FCN2: variants seen among roughly 807,000 people sequenced by gnomAD.
FCN2 encodes ficolin 2.
FCN2 carries 31 observed loss-of-function variants against 32.5 expected under a neutral mutation model. That is an observed-to-expected ratio of 0.96 (90% CI 0.72 to 1.29). The LOEUF is 1.29. FCN2 is among the 50% of genes most tolerant of loss of function. The pLI is 0.00. For missense variants in FCN2, 412 were observed against 406.5 expected (o/e 1.01, Z -0.12); for synonymous variants, 181 against 164.5 (o/e 1.10, Z -0.77).
At chr9:134,886,059 C>T (rs560357329) in intron 6 of FCN2, among the ~76,000 whole-genome samples, 162 bp downstream of exon 6, 1 of 152,308 alleles carries the variant, frequency 6.6e-6, no homozygotes, top group South Asian at 2.1e-4. Context: ...TTCGTCCCTG[C>T]TGCAGGCTCT....
chr9:134,868,417 C>A, the FCN2 span: 2 of 200,422 alleles, frequency 1.0e-5, no homozygotes, highest in South Asian at 2.1e-4. The surrounding 1 kb of genome is among the most constrained non-coding windows in gnomAD (Gnocchi z 4.3). Context: ...AACTGGAAGT[C>A]GGGGAAAGGG....
At chr9:134,872,714 A>G in the FCN2 span, among the ~76,000 whole-genome samples, 3 of 152,116 alleles carry the variant, frequency 2.0e-5, no homozygotes. Context: ...GAACAGCACG[A>G]GAAGACCCGC....
Position 134,886,368 on chromosome 9 carries a change from C to A in FCN2, c.560-62C>A, listed in dbSNP as rs554049255. The A allele has an allele frequency of 1.9e-6, 3 of 1,603,032 alleles. No individual in the cohort carries two copies. In the East Asian group the frequency reaches 6.7e-5, roughly 36 times the overall value. ...CCTTCCAGGCCCTGCCCCAGATCCC[C>A]AGCTCCCATGTCTAAAGGTAGAGAG... On this transcript the variant is annotated intron_variant, in intron 6 of 7. Transcript: ENST00000291744.
At position 134,887,226 on chromosome 9, in the gene FCN2, T is replaced by C; in HGVS notation, c.753T>C (p.Asp251=). 2 of 1,614,168 alleles carry C rather than the reference T, an allele frequency of 1.2e-6. No individual in the cohort carries two copies. Among genetic ancestry groups the C allele is most frequent in the Non-Finnish European group, 1.7e-6 (2 of 1,180,030 alleles). Residue 251 remains aspartate, a synonymous_variant, in exon 8 of 8, where the codon GAT becomes GAC. Transcript: ENST00000291744. ...QSFSTKDQDN[D]LNTGNCAVMF... ...TCTCCACCAAAGACCAGGACAATGA[T>C]CTTAACACCGGAAATTGTGCTGTGA...
the FCN2 span, among the ~76,000 whole-genome samples, chr9:134,869,529 C>G: frequency 6.6e-6 from 1 of 152,180 alleles, no homozygotes; most frequent in Non-Finnish European, 1.5e-5. Flanking sequence ...CTCAGACCCC[C>G]GCAGGCTCCC....
intron 2 of FCN2, among the ~76,000 whole-genome samples, chr9:134,882,860 T>A (rs1830685153): frequency 6.6e-6 from 1 of 152,178 alleles, no homozygotes; most frequent in African/African-American, 2.4e-5. Flanking sequence ...CTTCTGTAGC[T>A]CTGTCTCCTA....
At chr9:134,877,244 A>C (rs1245721693), upstream of FCN2, among the ~76,000 whole-genome samples, 3 of 152,080 alleles carry the variant, frequency 2.0e-5, no homozygotes, top group Non-Finnish European at 4.4e-5. Context: ...TTGACCTGAG[A>C]CCTTTCTTCC....
chr9:134,871,838 AG>A, the FCN2 span, among the ~76,000 whole-genome samples: 1 of 152,176 alleles, frequency 6.6e-6, no homozygotes, highest in African/African-American at 2.4e-5. Context: ...GCACAACTTG[AG>A]TAGTTTGACA....
chr9:134,885,747 T>C, intron 5 of FCN2, 21 bp from the exon 6 acceptor site: 3 of 1,613,950 alleles, frequency 1.9e-6, no homozygotes, highest in Non-Finnish European at 2.5e-6. Flanking sequence ...CCCCGGCTCC[T>C]GTCCCCTGGC....
intron 6 of FCN2, among the ~76,000 whole-genome samples, 164 bp downstream of exon 6, chr9:134,886,061 G>T (rs950045417): frequency 1.2e-4 from 19 of 152,182 alleles, no homozygotes; most frequent in African/African-American, 4.3e-4. Flanking sequence ...CGTCCCTGCT[G>T]CAGGCTCTGG....
chr9:134,885,619 G>A, intron 5 of FCN2, 149 bp from the exon 6 acceptor site: 1 of 1,155,626 alleles, frequency 8.7e-7, no homozygotes, highest in Admixed American at 2.1e-5. Flanking sequence ...TCATCCTGTG[G>A]AGTCTGTGAG....
intron 5 of FCN2, 36 bp from the exon 6 acceptor site, chr9:134,885,732 G>C (rs1014429791): frequency 6.2e-7 from 1 of 1,613,670 alleles, no homozygotes; most frequent in East Asian, 2.2e-5. Flanking sequence ...ACGTCGGCCT[G>C]GCCCCCCCGG....
intron 3 of FCN2, among the ~76,000 whole-genome samples, chr9:134,883,837 T>C (rs1444104849): frequency 2.6e-5 from 1 of 39,104 alleles, no homozygotes; most frequent in Admixed American, 4.0e-4. Flanking sequence ...ACTTTTAGTG[T>C]GGGGAGGGGT....
chr9:134,886,533 G>C lies in FCN2; in HGVS notation c.663G>C (p.Leu221=), dbSNP rs1293488533. ...KVADEAEKYN[L]VLGAFVEGSA... is the part of the protein sequence containing the mutation. ...CCGACGAGGCGGAGAAGTACAATCT[G>C]GTCCTGGGGGCCTTCGTGGAGGGCA... The change falls in exon 7 of 8, where the codon CTG becomes CTC. Residue 221 remains leucine (L), a synonymous_variant. Transcript: ENST00000291744. 1 of 1,614,130 alleles carries C rather than the reference G, an allele frequency of 6.2e-7. No homozygotes were observed. The highest frequency in any genetic ancestry group is 1.1e-5 in the South Asian group (1 of 91,070).
At chr9:134,870,332 G>C in the FCN2 span, among the ~76,000 whole-genome samples, 1 of 152,142 alleles carries the variant, frequency 6.6e-6, no homozygotes, top group Non-Finnish European at 1.5e-5. This position sits in a 1 kb window ranked among gnomAD's most constrained non-coding sequence, Gnocchi z 4.3. Flanking sequence ...GCAGAGGTCC[G>C]TGGGCTCACT....
At chr9:134,881,098 A>T (rs919707034) in intron 1 of FCN2, among the ~76,000 whole-genome samples, 177 bp downstream of exon 1, 5 of 152,164 alleles carry the variant, frequency 3.3e-5, no homozygotes, top group Non-Finnish European at 7.4e-5. Context: ...CCCCGAATGG[A>T]TGTGGCATCT....
the FCN2 span, among the ~76,000 whole-genome samples, chr9:134,872,490 T>G: frequency 9.2e-5 from 14 of 152,216 alleles, no homozygotes; most frequent in Non-Finnish European, 1.8e-4. Context: ...ATTAGCCCGT[T>G]CTCACACTGC....
chr9:134,877,956 G>A (rs189703470), upstream of FCN2, among the ~76,000 whole-genome samples: 1 of 152,290 alleles, frequency 6.6e-6, no homozygotes, highest in Non-Finnish European at 1.5e-5. Flanking sequence ...GGCTGGGGAA[G>A]GCAGACCCAC....
the FCN2 span, among the ~76,000 whole-genome samples, chr9:134,870,639 C>T: frequency 0.055 from 8,367 of 152,160 alleles, 283 homozygotes; most frequent in African/African-American, 0.094. This position sits in a 1 kb window ranked among gnomAD's most constrained non-coding sequence, Gnocchi z 4.3. Context: ...CCCGGCCCTG[C>T]GGGGGGACAG....
Sources: gnomAD v4.1 joint callset for allele counts (sites outside exome capture counted in the v4.1 genomes callset) on GRCh38, gnomAD v4.1.1 for gene constraint, Gnocchi (gnomAD v3.1) non-coding constraint, MANE v1.5 for transcripts, NCBI Gene and HGNC (gene_info 2026-07-23, HGNC 2026-07-21) for gene names.